CADPS2: variants seen among roughly 807,000 people sequenced by gnomAD.
CADPS2 encodes calcium dependent secretion activator 2, also known as calcium-dependent secretion activator 2.
In CADPS2, 93 loss-of-function variants were observed where a neutral mutation model predicts 172.5. That is an observed-to-expected ratio of 0.54 (90% CI 0.46 to 0.64). The LOEUF (loss-of-function observed/expected upper bound fraction) is 0.64. CADPS2 is among the 30% of genes least tolerant of loss of function. The probability of loss-of-function intolerance (pLI) is 0.00; values close to 1 mark genes in which losing one functional copy is unlikely to be tolerated. For synonymous variants in CADPS2, 546 were observed against 555.2 expected, an observed-to-expected ratio of 0.98 and a Z score of 0.23; for missense variants, 1,420 against 1,565.9, an observed-to-expected ratio of 0.91 and a Z score of 1.57.
intron 28 of CADPS2, among the ~76,000 whole-genome samples, chr7:122,339,833 C>T (rs532664482): frequency 6.0e-4 from 92 of 152,176 alleles, no homozygotes; most frequent in African/African-American, 1.4e-3. Context: ...TGCAGTGAGC[C>T]GAGATTCCAC....
chr7:122,819,594 T>G (rs887722420), intron 1 of CADPS2, among the ~76,000 whole-genome samples: 1 of 150,140 alleles, frequency 6.7e-6, no homozygotes, highest in Non-Finnish European at 1.5e-5. Context: ...TCTAAACCTC[T>G]TAAAACTCCC....
chr7:122,487,681 A>G (rs1421626413), intron 11 of CADPS2, among the ~76,000 whole-genome samples: 3 of 152,238 alleles, frequency 2.0e-5, no homozygotes, highest in South Asian at 2.1e-4. Context: ...ATTAAAATGT[A>G]AAGGACTCAG....
chr7:122,574,308 C>T (rs1025900305), intron 7 of CADPS2, among the ~76,000 whole-genome samples: 6 of 151,428 alleles, frequency 4.0e-5, no homozygotes, highest in Admixed American at 6.6e-5. Context: ...TTGCCCAGCA[C>T]GGTGGCATAC....
At chr7:122,564,887 C>A (rs1392861760) in intron 7 of CADPS2, among the ~76,000 whole-genome samples, 5 of 150,252 alleles carry the variant, frequency 3.3e-5, no homozygotes, top group African/African-American at 1.2e-4. Flanking sequence ...AAAACACTAC[C>A]CAGACATAAG....
chr7:122,661,226 G>A (rs555653168), intron 3 of CADPS2, among the ~76,000 whole-genome samples: 1 of 152,170 alleles, frequency 6.6e-6, no homozygotes, highest in Admixed American at 6.5e-5. Context: ...GAACTGAAAG[G>A]ACAAATAAAC....
In CADPS2 at chr7:122,508,449, G is replaced by GTTTTTTTTTTTTTTTTT. The variant is rs1205155217; in HGVS notation, c.1542+4783_1542+4799dup. On this transcript the variant is annotated intron_variant, in intron 9 of 29. Coordinates refer to ENST00000449022, the MANE Select transcript of CADPS2 (RefSeq NM_017954.11). ...TCCAGTTATTTATTTATTCATTTAA[G>GTTTTTTTTTTTTTTTTT]TTTTTTTTTTTTTTTTTTTTTTTTT... Among the ~76,000 whole-genome samples, 13 of 68,432 alleles carry GTTTTTTTTTTTTTTTTT rather than the reference G, an allele frequency of 1.9e-4. 2 individuals are homozygous for GTTTTTTTTTTTTTTTTT. The highest frequency in any genetic ancestry group is 2.7e-4 in the Non-Finnish European group (9 of 32,904). The allele number at this position is 68,432 out of a possible 152,430, so 44.9% of individuals were successfully genotyped here.
chr7:122,512,644 G>T (rs569424704), intron 9 of CADPS2, among the ~76,000 whole-genome samples: 1 of 152,122 alleles, frequency 6.6e-6, no homozygotes, highest in South Asian at 2.1e-4. Context: ...TGGCTTATTT[G>T]TACTAAATGT....
chr7:122,698,863 AT>A, intron 2 of CADPS2: 3 of 1,611,630 alleles, frequency 1.9e-6, no homozygotes, highest in Non-Finnish European at 2.5e-6. Context: ...ACTGAACTTC[AT>A]AAGCCAGGAA....
At chr7:122,545,320 A>T (rs1325774000) in intron 8 of CADPS2, among the ~76,000 whole-genome samples, 1 of 152,162 alleles carries the variant, frequency 6.6e-6, no homozygotes, top group African/African-American at 2.4e-5. Flanking sequence ...GCACATATGT[A>T]TGAGAAAATG....
chr7:122,785,378 T>C (rs1336763034), intron 1 of CADPS2, among the ~76,000 whole-genome samples: 1 of 152,152 alleles, frequency 6.6e-6, no homozygotes, highest in Non-Finnish European at 1.5e-5. Context: ...GGCTTCATAT[T>C]AGAATCACTT....
chr7:122,578,364 T>C (rs1323076480), intron 7 of CADPS2, among the ~76,000 whole-genome samples: 2 of 151,982 alleles, frequency 1.3e-5, no homozygotes, highest in Non-Finnish European at 2.9e-5. Context: ...GAGTGTACAA[T>C]GTTTGAGGAA....
chr7:122,873,087 A>C (rs1820208783), intron 1 of CADPS2, among the ~76,000 whole-genome samples: 1 of 152,150 alleles, frequency 6.6e-6, no homozygotes, highest in Non-Finnish European at 1.5e-5. Context: ...AAGGAAAATG[A>C]TCTTTGGAGA....
chr7:122,769,733 A>T (rs1316693238), intron 1 of CADPS2, among the ~76,000 whole-genome samples: 2 of 152,198 alleles, frequency 1.3e-5, no homozygotes, highest in African/African-American at 4.8e-5. Flanking sequence ...GGATCGCACA[A>T]AAGGCATGGG....
chr7:122,498,520 T>C (rs905117979), intron 9 of CADPS2, among the ~76,000 whole-genome samples: 4 of 152,300 alleles, frequency 2.6e-5, no homozygotes, highest in South Asian at 2.1e-4. Flanking sequence ...TTAATTTCTT[T>C]ATGTATATTT....
chr7:122,708,653 T>A (rs1246902497), intron 2 of CADPS2, among the ~76,000 whole-genome samples: 1 of 150,628 alleles, frequency 6.6e-6, no homozygotes, highest in Non-Finnish European at 1.5e-5. Context: ...TGGAATATGA[T>A]CAAATCCATT....
Position 122,438,471 on chromosome 7 carries a change from A to C in CADPS2, c.2353-7T>G, listed in dbSNP as rs748709356. ...CAATATCTTTCATTAAAACCTACAGAGAGAGGAAGTGGAAGGGTGAGGGGC... is the reference window on the plus strand; with the variant it reads ...CAATATCTTTCATTAAAACCTACAGCGAGAGGAAGTGGAAGGGTGAGGGGC... On this transcript the variant is annotated splice_region_variant and splice_polypyrimidine_tract_variant and intron_variant, in intron 16 of 29. Transcript: ENST00000449022. 5 of 1,612,190 alleles carry C rather than the reference A, an allele frequency of 3.1e-6. No homozygotes were observed. In the East Asian group the frequency reaches 8.9e-5, roughly 29 times the overall value.
chr7:122,492,184 A>G (rs1399332899), intron 9 of CADPS2, among the ~76,000 whole-genome samples: 2 of 151,934 alleles, frequency 1.3e-5, no homozygotes, highest in Non-Finnish European at 2.9e-5. Context: ...AAATAAATAA[A>G]TGAATAAATA....
chr7:122,340,470 G>A (rs1051397327), intron 28 of CADPS2, among the ~76,000 whole-genome samples: 16 of 152,234 alleles, frequency 1.1e-4, no homozygotes, highest in African/African-American at 2.6e-4. Flanking sequence ...AATAAGATGC[G>A]CTTCAGTCAA....
rs185744670 is a variant in CADPS2 at position 122,339,522 on chromosome 7, G to A, written c.3612+6052C>T. The stretch of plus-strand genomic sequence containing the variant: ...CTTTAAATACATTAAGAATAGCAGT[G>A]TTAATCTTACCAAGAATGAGTAAAT... On this transcript the variant is annotated intron_variant, in intron 28 of 29. Coordinates refer to ENST00000449022, the MANE Select transcript of CADPS2 (RefSeq NM_017954.11). Among the ~76,000 whole-genome samples the A allele has an allele frequency of 1.2e-3, 188 of 152,330 alleles. 1 individual carries two copies. Among genetic ancestry groups the A allele is most frequent in the Middle Eastern group, 3.4e-3 (1 of 294 alleles).
Sources: allele counts gnomAD v4.1 joint callset (sites outside exome capture counted in the v4.1 genomes callset), GRCh38; gene constraint gnomAD v4.1.1; transcripts MANE v1.5; gene names NCBI Gene and HGNC (gene_info 2026-07-23, HGNC 2026-07-21).